CDC45: variants seen among roughly 807,000 people sequenced by gnomAD.
The protein encoded by CDC45 is cell division cycle 45.
Under a neutral mutation model 77.8 loss-of-function variants are expected in CDC45, and 54 were observed. The ratio of observed to expected loss-of-function variants is 0.69; its 90% CI spans 0.56 to 0.87. CDC45 has a LOEUF of 0.87. Among genes scored for constraint, CDC45 ranks in the 40% least tolerant of loss-of-function variants. The probability of loss-of-function intolerance (pLI) is 0.00; values close to 1 mark genes in which losing one functional copy is unlikely to be tolerated. For missense variants in CDC45, 649 were observed against 721.6 expected, an observed-to-expected ratio of 0.90 and a Z score of 1.15; for synonymous variants, 260 against 272.1, an observed-to-expected ratio of 0.96 and a Z score of 0.44.
chr22:19,496,056 A>AT, intron 7 of CDC45, 27 bp downstream of exon 7: 1 of 1,525,638 alleles, frequency 6.6e-7, no homozygotes, highest in Non-Finnish European at 9.1e-7. Context: ...GGAACTCACT[A>AT]TAAAGTTCTG....
chr22:19,512,342 AG>A (rs1367705382), intron 13 of CDC45, among the ~76,000 whole-genome samples: 1 of 152,206 alleles, frequency 6.6e-6, no homozygotes, highest in African/African-American at 2.4e-5. Flanking sequence ...AAGTCTTCTT[AG>A]GTCTCACTAC....
At chr22:19,507,256 T>C in intron 10 of CDC45, 130 bp from the exon 11 acceptor site, 1 of 1,115,466 alleles carries the variant, frequency 9.0e-7, no homozygotes, top group African/African-American at 1.5e-5. Context: ...AGGTCACTCT[T>C]GGGATACCTG....
At chr22:19,505,167 C>A (rs1933093521) in intron 9 of CDC45, 195 bp from the exon 10 acceptor site, 7 of 616,772 alleles carry the variant, frequency 1.1e-5, no homozygotes, top group Non-Finnish European at 2.0e-5. Flanking sequence ...ACCACACCCC[C>A]CCGCTCCATC....
intron 8 of CDC45, 25 bp downstream of exon 8, chr22:19,497,472 G>C (rs1211112982): frequency 6.2e-7 from 1 of 1,607,384 alleles, no homozygotes; most frequent in Non-Finnish European, 8.5e-7. Context: ...CGGCAGCTGT[G>C]TGGGAGTATT....
chr22:19,512,417 T>A (rs1933567523), intron 13 of CDC45, among the ~76,000 whole-genome samples: 1 of 152,362 alleles, frequency 6.6e-6, no homozygotes. Context: ...GGTCTCTTTT[T>A]ACCTGCTTAC....
At chr22:19,481,222 C>G (rs557247459) in intron 3 of CDC45, among the ~76,000 whole-genome samples, 177 bp downstream of exon 3, 1 of 152,090 alleles carries the variant, frequency 6.6e-6, no homozygotes, top group African/African-American at 2.4e-5. Flanking sequence ...GTTGTAGAAG[C>G]AAAATTGACA....
At chr22:19,491,360 C>A (rs2090150597) in intron 5 of CDC45, among the ~76,000 whole-genome samples, 2 of 151,744 alleles carry the variant, frequency 1.3e-5, no homozygotes, top group Middle Eastern at 3.4e-3. Flanking sequence ...TTAAGAGTCT[C>A]CTTTAACCGT....
rs143079450 is a variant in CDC45, at chr22:19,513,132, A to G, written c.1218-1617A>G. On this transcript the variant is annotated intron_variant, in intron 13 of 18. Transcript: ENST00000263201. ...GACCCAACACTTCCCACTAGACCCC[A>G]CCTCGAAGATCTTGGATCAGATTTC... is the stretch of plus-strand genomic sequence containing the variant. 1.9e-3 allele frequency among the ~76,000 whole-genome samples: 289 copies of G among 152,282 alleles called. 3 individuals are homozygous for G. The highest frequency in any genetic ancestry group is 6.6e-3 in the African/African-American group (275 of 41,554).
intron 6 of CDC45, 103 bp from the exon 7 acceptor site, chr22:19,495,878 A>G (rs2090233442): frequency 1.2e-6 from 1 of 803,784 alleles, no homozygotes; most frequent in Admixed American, 1.9e-5. Flanking sequence ...CCATGATTTA[A>G]TTTGCATTTC....
At chr22:19,486,531 C>T (rs2090070345) in intron 5 of CDC45, among the ~76,000 whole-genome samples, 1 of 152,070 alleles carries the variant, frequency 6.6e-6, no homozygotes, top group Non-Finnish European at 1.5e-5. Context: ...TCATGGAGTA[C>T]TTTAACTTGC....
chr22:19,518,588 G>T (rs780746841), intron 17 of CDC45, among the ~76,000 whole-genome samples: 1 of 152,194 alleles, frequency 6.6e-6, no homozygotes, highest in Non-Finnish European at 1.5e-5. Flanking sequence ...GCCCTTCCCT[G>T]TGTCACCTCT....
chr22:19,520,525 T>G lies in CDC45; in HGVS notation c.*46T>G, dbSNP rs1312368193. On this transcript the variant is annotated 3_prime_UTR_variant, in exon 19 of 19. Transcript: ENST00000263201. The surrounding 1 kb of genome is among the most constrained non-coding windows in gnomAD (Gnocchi z 4.5). ...GACCTTCTTATTTATGTAACTGGCT[T>G]TCATTTAGATTGTAAGTTATGGACA... The G allele has an allele frequency of 6.6e-6, 1 of 152,236 alleles. No individual in the cohort carries two copies. Among genetic ancestry groups the G allele is most frequent in the Non-Finnish European group, 1.5e-5 (1 of 68,038 alleles). The allele number at this position is 152,236 out of a possible 1,614,324, so 9.4% of individuals were successfully genotyped here.
chr22:19,487,805 A>G (rs2090094268), intron 5 of CDC45, among the ~76,000 whole-genome samples: 1 of 150,562 alleles, frequency 6.6e-6, no homozygotes, highest in East Asian at 2.0e-4. Flanking sequence ...CCAGCTACTC[A>G]GAAGGCTGAG....
At chr22:19,497,195 T>C (rs1268044646) in intron 7 of CDC45, among the ~76,000 whole-genome samples, 191 bp from the exon 8 acceptor site, 1 of 152,248 alleles carries the variant, frequency 6.6e-6, no homozygotes, top group African/African-American at 2.4e-5. Flanking sequence ...ACTTTCAGTC[T>C]TCCTCTTCTC....
chr22:19,504,419 C>G (rs534383058), intron 9 of CDC45, among the ~76,000 whole-genome samples: 14 of 152,336 alleles, frequency 9.2e-5, no homozygotes, highest in African/African-American at 3.4e-4. Flanking sequence ...CCTGCCTCAC[C>G]CTCCCAAGTA....
chr22:19,487,639 C>T (rs543589776), intron 5 of CDC45, among the ~76,000 whole-genome samples: 8 of 152,010 alleles, frequency 5.3e-5, no homozygotes, highest in African/African-American at 1.2e-4. Flanking sequence ...ATAGGCCGGG[C>T]GTGGTGGCTC....
At chr22:19,511,151 A>C (rs1173498428) in intron 13 of CDC45, among the ~76,000 whole-genome samples, 3 of 152,112 alleles carry the variant, frequency 2.0e-5, no homozygotes, top group Non-Finnish European at 4.4e-5. Flanking sequence ...TCACATCCTC[A>C]CCGACACTTG....
intron 5 of CDC45, among the ~76,000 whole-genome samples, chr22:19,492,119 C>T (rs2090162796): frequency 6.6e-6 from 1 of 152,104 alleles, no homozygotes; most frequent in Admixed American, 6.6e-5. Flanking sequence ...AGGTTTATGT[C>T]TTTTGCCAAA....
At chr22:19,491,267 TATTGTA>T (rs2090149497) in intron 5 of CDC45, among the ~76,000 whole-genome samples, 1 of 152,220 alleles carries the variant, frequency 6.6e-6, no homozygotes, top group Non-Finnish European at 1.5e-5. Context: ...AAGGAAAGCC[TATTGTA>T]TTTACCTCAT....
Sources: allele counts gnomAD v4.1 joint callset (sites outside exome capture counted in the v4.1 genomes callset), GRCh38; gene constraint gnomAD v4.1.1; non-coding constraint Gnocchi (gnomAD v3.1); transcripts MANE v1.5; gene names NCBI Gene and HGNC (gene_info 2026-07-23, HGNC 2026-07-21).